The following CHRNB4 variants were observed in gnomAD, a reference collection of about 807,000 sequenced individuals.
CHRNB4 encodes neuronal acetylcholine receptor subunit beta-4.
In CHRNB4, 23 loss-of-function variants were observed where a neutral mutation model predicts 40.4. That is an observed-to-expected ratio of 0.57 (90% CI 0.41 to 0.81). The LOEUF (loss-of-function observed/expected upper bound fraction) is 0.81. Among genes scored for constraint, CHRNB4 ranks in the 30% least tolerant of loss-of-function variants. The pLI is 0.00. For synonymous variants in CHRNB4, 285 were observed against 274.4 expected, an observed-to-expected ratio of 1.04 and a Z score of -0.38; for missense variants, 568 against 670.6, an observed-to-expected ratio of 0.85 and a Z score of 1.69.
chr15:78,630,917 GCTCTGCTCAC>G (rs2053791713), intron 4 of CHRNB4, 149 bp downstream of exon 4: 1 of 620,652 alleles, frequency 1.6e-6, no homozygotes, highest in Admixed American at 2.7e-5. Context: ...GAGGGCTCTG[GCTCTGCTCAC>G]CTCTGTTTCT....
At chr15:78,644,547 T>G (rs1051344882), upstream of CHRNB4, among the ~76,000 whole-genome samples, 3 of 152,014 alleles carry the variant, frequency 2.0e-5, no homozygotes, top group Non-Finnish European at 4.4e-5. Context: ...CTTCCCAACC[T>G]CCAGAACTGA....
At chr15:78,639,668 A>G (rs567731937) in intron 1 of CHRNB4, among the ~76,000 whole-genome samples, 4 of 152,322 alleles carry the variant, frequency 2.6e-5, no homozygotes, top group Admixed American at 2.0e-4. Flanking sequence ...TGCTTCTTCA[A>G]TCATGTGTAT....
chr15:78,650,248 T>C (rs1032175749), intron 6 of CHRNB4, among the ~76,000 whole-genome samples: 2 of 152,198 alleles, frequency 1.3e-5, no homozygotes, highest in East Asian at 1.9e-4. Context: ...TTGGCTCCAC[T>C]AGCTGAGGCC....
chr15:78,635,340 A>T, intron 2 of CHRNB4, 99 bp downstream of exon 2: 1 of 1,466,448 alleles, frequency 6.8e-7, no homozygotes, highest in Non-Finnish European at 9.2e-7. Flanking sequence ...GTCTAAGTCA[A>T]CTATAGTAGT....
At position 78,631,428 on chromosome 15, in the gene CHRNB4, A is replaced by G. The variant is rs958107201; in HGVS notation, c.205-96T>C. 5.1e-6 allele frequency: 6 copies of G among 1,182,260 alleles called. No individual in the cohort carries two copies. The African/African-American group carries it at 9.1e-5, about 18-fold the overall frequency. The allele number at this position is 1,182,260 out of a possible 1,614,324, so 73.2% of individuals were successfully genotyped here. A position where few individuals can be genotyped will look rare whatever the true frequency, so the allele number is the denominator to read the frequency against. Reference sequence around the variant, plus strand: ...GCAAAAGGCTGTGAGCTCCAGGCCCACGTGACCAACTGCCACCCCAACATC... The same window carrying G: ...GCAAAAGGCTGTGAGCTCCAGGCCCGCGTGACCAACTGCCACCCCAACATC... On this transcript the variant is annotated intron_variant, in intron 2 of 5. Transcript: ENST00000261751.
chr15:78,650,446 T>C (rs1331801405), intron 6 of CHRNB4, among the ~76,000 whole-genome samples: 1 of 152,190 alleles, frequency 6.6e-6, no homozygotes, highest in Non-Finnish European at 1.5e-5. Flanking sequence ...AGCTGATGCC[T>C]TGGGCTCCAG....
rs2053737001 is a variant in CHRNB4, at chr15:78,629,251, G to T, written c.1054C>A (p.Pro352Thr). ...AAGGCTCTGGCCGGGCTGCTGTCGG[G>T]GCCAGGGCGCTTCATGAAGAGGAAG... ...PTFLFMKRPG[P>T]DSSPARAFPP... The change falls in exon 5 of 6, where the codon CCC becomes ACC. Residue 352 changes from proline to threonine, a missense_variant. Pro to Thr is a conservative substitution (Grantham distance 38). Transcript: ENST00000261751. This position sits in a 1 kb window ranked among gnomAD's most constrained non-coding sequence, Gnocchi z 6.8. The T allele has an allele frequency of 6.2e-7, 1 of 1,613,348 alleles. No individual in the cohort carries two copies. The highest frequency in any genetic ancestry group is 8.5e-7 in the Non-Finnish European group (1 of 1,179,550).
At chr15:78,630,067 G>C in intron 4 of CHRNB4, 122 bp from the exon 5 acceptor site, 1 of 1,134,134 alleles carries the variant, frequency 8.8e-7, no homozygotes, top group Non-Finnish European at 1.2e-6. Context: ...CAATCCCCCA[G>C]GCCCTCACTG....
intron 2 of CHRNB4, chr15:78,634,760 A>G: frequency 2.2e-6 from 1 of 455,984 alleles, no homozygotes; most frequent in Middle Eastern, 3.3e-4. Context: ...GGACATGGGA[A>G]GGTTTACAAT....
At chr15:78,647,920 G>A (rs1056378876) in intron 7 of CHRNB4, among the ~76,000 whole-genome samples, 1 of 143,900 alleles carries the variant, frequency 6.9e-6, no homozygotes, top group Admixed American at 6.9e-5. Flanking sequence ...AAAACCTTAC[G>A]ATAAATCTAG....
chr15:78,624,406 CCTGA>C lies in CHRNB4; in HGVS notation c.*723_*726del, dbSNP rs1434468800. 1 of 152,864 alleles carries C rather than the reference CCTGA, an allele frequency of 6.5e-6. No individual in the cohort carries two copies. Among genetic ancestry groups the C allele is most frequent in the Admixed American group, 6.5e-5 (1 of 15,290 alleles). The allele number at this position is 152,864 out of a possible 1,614,324, so 9.5% of individuals were successfully genotyped here. A position where few individuals can be genotyped will look rare whatever the true frequency, so the allele number is the denominator to read the frequency against. ...AGCAAAGAATGGATTGGAGCCATGCCCTGACTGATGTGGCTGTGGAAAGAGCTTG... is the reference window on the plus strand; with the variant it reads ...AGCAAAGAATGGATTGGAGCCATGCCCTGATGTGGCTGTGGAAAGAGCTTG... On this transcript the variant is annotated 3_prime_UTR_variant, in exon 6 of 6. Coordinates refer to ENST00000261751, the MANE Select transcript of CHRNB4 (RefSeq NM_000750.5).
chr15:78,625,345 T>C (rs1410470972), intron 5 of CHRNB4, 54 bp from the exon 6 acceptor site: 9 of 1,481,692 alleles, frequency 6.1e-6, no homozygotes, highest in Non-Finnish European at 8.2e-6. Flanking sequence ...GGTCCCTCCT[T>C]TCCCCGAGTC....
chr15:78,655,619 C>T (rs2054208134), exon 5 of CHRNB4: 1 of 151,740 alleles, frequency 6.6e-6, no homozygotes, highest in South Asian at 2.1e-4. Flanking sequence ...TGCAGTGAGC[C>T]ACGATGGTGC....
In CHRNB4 at chr15:78,628,847, C is replaced by T. The variant is rs1489558683; in HGVS notation, c.1338+120G>A. 6 of 1,282,362 alleles carry T rather than the reference C, an allele frequency of 4.7e-6. No homozygotes were observed. In the African/African-American group the frequency reaches 9.0e-5, roughly 19 times the overall value. 79.4% of individuals were successfully genotyped at this position (1,282,362 alleles called of 1,614,324 possible). On this transcript the variant is annotated intron_variant, in intron 5 of 5. Transcript: ENST00000261751. ...CACAAACTCATTTCAATTTTGGATT[C>T]CTTATTCAGAGTTTGAGAGTCCTTG...
At chr15:78,635,704 G>C in intron 1 of CHRNB4, 117 bp from the exon 2 acceptor site, 2 of 1,383,028 alleles carry the variant, frequency 1.4e-6, no homozygotes. Flanking sequence ...GGCTGAAGCA[G>C]CGAAGGTGCT....
intron 1 of CHRNB4, among the ~76,000 whole-genome samples, chr15:78,638,737 A>C (rs1429502112): frequency 6.6e-6 from 1 of 152,240 alleles, no homozygotes; most frequent in East Asian, 1.9e-4. Context: ...CCAGCCCAGC[A>C]CATGCTTAGA....
chr15:78,637,550 T>C (rs1270874191), intron 1 of CHRNB4, among the ~76,000 whole-genome samples: 3 of 148,244 alleles, frequency 2.0e-5, no homozygotes, highest in African/African-American at 7.5e-5. Flanking sequence ...GGCTCAGGAG[T>C]CGATTACATC....
intron 6 of CHRNB4, among the ~76,000 whole-genome samples, chr15:78,652,000 A>T (rs766796535): frequency 1.1e-4 from 16 of 152,250 alleles, no homozygotes; most frequent in Non-Finnish European, 2.2e-4. Flanking sequence ...TAGATACTTC[A>T]TCATTTTGTC....
At position 78,635,639 on chromosome 15, in the gene CHRNB4, C is replaced by A. The variant is rs535148141; in HGVS notation, c.56-52G>T. ...TGGGCCCTTGTGCACCTGACCCCCA[C>A]TGCAGCCTGTGGCAGCAGGGAGAGC... On this transcript the variant is annotated intron_variant, in intron 1 of 5. Coordinates refer to ENST00000261751, the MANE Select transcript of CHRNB4 (RefSeq NM_000750.5). 3 of 1,605,992 alleles carry A rather than the reference C, an allele frequency of 1.9e-6. No individual in the cohort carries two copies. In the African/African-American group the frequency reaches 4.0e-5, roughly 21 times the overall value.
Sources: allele counts gnomAD v4.1 joint callset (sites outside exome capture counted in the v4.1 genomes callset), GRCh38; gene constraint gnomAD v4.1.1; non-coding constraint Gnocchi (gnomAD v3.1); transcripts MANE v1.5; gene names NCBI Gene and HGNC (gene_info 2026-07-23, HGNC 2026-07-21).